Variants in GRSF1 observed in about 807,000 individuals in gnomAD.
GRSF1 encodes G-rich RNA sequence binding factor 1, also known as G-rich sequence factor 1.
A neutral mutation model predicts 51.1 loss-of-function variants in GRSF1; 50 were observed. The ratio of observed to expected loss-of-function variants is 0.98; its 90% confidence interval spans 0.78 to 1.24. The LOEUF (loss-of-function observed/expected upper bound fraction) is 1.24. GRSF1 is among the 50% of genes most tolerant of loss of function. The pLI, the probability that GRSF1 is intolerant of heterozygous loss-of-function variation, is 0.00. For synonymous variants in GRSF1, 293 were observed against 253.3 expected, an observed-to-expected ratio of 1.16 and a Z score of -1.49; for missense variants, 700 against 639.7, an observed-to-expected ratio of 1.09 and a Z score of -1.02.
chr4:70,838,321 T>A (rs1256497111), intron 1 of GRSF1, among the ~76,000 whole-genome samples: 2 of 151,618 alleles, frequency 1.3e-5, no homozygotes. Context: ...CGCAGTCAAT[T>A]TCATAGAAAA....
intron 1 of GRSF1, chr4:70,839,064 G>T: frequency 8.5e-7 from 1 of 1,169,988 alleles, no homozygotes; most frequent in South Asian, 1.3e-5. Flanking sequence ...TAGCGCTCGG[G>T]CTGCACGGAA....
In GRSF1 at chr4:70,824,005, C is replaced by CT. The variant is rs1224926628; in HGVS notation, c.*25+288dup. Among the ~76,000 whole-genome samples the CT allele has an allele frequency of 3.5e-5, 4 of 115,080 alleles. No individual in the cohort carries two copies. The Admixed American group carries it at 4.7e-4, about 14-fold the overall frequency. 75.5% of individuals were successfully genotyped at this position (115,080 alleles called of 152,430 possible). A position where few individuals can be genotyped will look rare whatever the true frequency, so the allele number is the denominator to read the frequency against. ...TTTTTTTTTTTTTTTGAGTCTCGCTCTGTTGCCCAGGCTGGAGTGCAGTGG... is the reference window on the plus strand; with the variant it reads ...TTTTTTTTTTTTTTTGAGTCTCGCTCTTGTTGCCCAGGCTGGAGTGCAGTGG... On this transcript the variant is annotated intron_variant, in intron 9 of 9. Transcript: ENST00000254799.
chr4:70,836,189 G>T lies in GRSF1; in HGVS notation c.483C>A (p.Cys161Ter). 1 of 1,590,256 alleles carries T rather than the reference G, an allele frequency of 6.3e-7. No homozygotes were observed. Residue 161 changes from cysteine to a stop codon, truncating the protein, a stop_gained, in exon 2 of 10, where the codon TGC becomes TGA. Transcript: ENST00000254799. LOFTEE classifies it high-confidence loss of function. ...LIRAQGLPWS[C>*]TMEDVLNFFS... is the part of the protein sequence containing the mutation. ...AAAAGTTAAGCACATCTTCCATAGTGCATGACCAGGGCAGTCCTTGAGCTC... is the reference window on the plus strand; with the variant it reads ...AAAAGTTAAGCACATCTTCCATAGTTCATGACCAGGGCAGTCCTTGAGCTC...
intron 1 of GRSF1, among the ~76,000 whole-genome samples, chr4:70,837,593 C>T (rs1444113831): frequency 3.3e-5 from 5 of 149,504 alleles, no homozygotes; most frequent in African/African-American, 1.2e-4. Context: ...GACTTGCACT[C>T]TACCGGACTA....
intron 9 of GRSF1, among the ~76,000 whole-genome samples, chr4:70,821,943 T>G (rs909835724): frequency 6.6e-6 from 1 of 152,150 alleles, no homozygotes; most frequent in Non-Finnish European, 1.5e-5. Flanking sequence ...CCTGAAGTAA[T>G]GGGATTACTG....
At position 70,839,860 on chromosome 4, in the gene GRSF1, G is replaced by A. The variant is rs939230185; in HGVS notation, c.-33C>T. The A allele has an allele frequency of 4.1e-6, 6 of 1,453,066 alleles. No individual in the cohort carries two copies. Among genetic ancestry groups the A allele is most frequent in the African/African-American group, 1.5e-5 (1 of 67,332 alleles). The allele number at this position is 1,453,066 out of a possible 1,614,324, so 90.0% of individuals were successfully genotyped here. Reference sequence around the variant, plus strand: ...GGAGGCGGCGCAGGGCCTGAAGGCAGCTGCTCCAGCAGCGATGGTGGAACG... The same window carrying A: ...GGAGGCGGCGCAGGGCCTGAAGGCAACTGCTCCAGCAGCGATGGTGGAACG... On this transcript the variant is annotated 5_prime_UTR_variant, in exon 1 of 10. Transcript: ENST00000254799.
intron 5 of GRSF1, among the ~76,000 whole-genome samples, chr4:70,829,779 T>C (rs1440407863): frequency 6.6e-6 from 1 of 152,164 alleles, no homozygotes; most frequent in African/African-American, 2.4e-5. Context: ...CACTTCAGCC[T>C]GGGTGACAGA....
intron 9 of GRSF1, among the ~76,000 whole-genome samples, chr4:70,821,520 C>T (rs888323015): frequency 2.0e-5 from 3 of 151,378 alleles, no homozygotes; most frequent in Non-Finnish European, 2.9e-5. Flanking sequence ...GCAGGAGAAT[C>T]GCTTGAACCC....
At chr4:70,827,555 C>G (rs1193362639) in intron 6 of GRSF1, among the ~76,000 whole-genome samples, 1 of 152,044 alleles carries the variant, frequency 6.6e-6, no homozygotes, top group Non-Finnish European at 1.5e-5. Flanking sequence ...GAGGCTGCGG[C>G]TCACTTGAGG....
chr4:70,835,914 T>C (rs781708155), intron 2 of GRSF1, among the ~76,000 whole-genome samples: 3 of 152,166 alleles, frequency 2.0e-5, no homozygotes, highest in Non-Finnish European at 2.9e-5. Flanking sequence ...CCACTGCCCC[T>C]GGCCCAAAGT....
intron 9 of GRSF1, among the ~76,000 whole-genome samples, chr4:70,823,971 TC>T (rs1164710288): frequency 1.1e-4 from 5 of 43,624 alleles, no homozygotes; most frequent in African/African-American, 1.4e-4. Flanking sequence ...CAGTTGTATC[TC>T]TCTCTTTTTT....
chr4:70,822,481 G>A (rs990314189), intron 9 of GRSF1, among the ~76,000 whole-genome samples: 1 of 151,734 alleles, frequency 6.6e-6, no homozygotes, highest in Non-Finnish European at 1.5e-5. Context: ...TACTTGGGAG[G>A]CTGAGGCAGA....
At chr4:70,828,477 G>A (rs1465062886) in intron 5 of GRSF1, among the ~76,000 whole-genome samples, 1 of 152,128 alleles carries the variant, frequency 6.6e-6, no homozygotes, top group Non-Finnish European at 1.5e-5. Flanking sequence ...AACTTCCCCA[G>A]AACTTCACTA....
At position 70,816,896 on chromosome 4, in the gene GRSF1, G is replaced by GT; in HGVS notation, c.*3990dup. On this transcript the variant is annotated 3_prime_UTR_variant, in exon 10 of 10. Coordinates refer to ENST00000254799, the MANE Select transcript of GRSF1 (RefSeq NM_002092.4). ...GCTGCTTGTACAATCTAAGGGATGG[G>GT]TATTGGCATCACCAAGATTTTATAT... is the stretch of plus-strand genomic sequence containing the variant. The GT allele has an allele frequency of 6.6e-6, 1 of 152,310 alleles. No homozygotes were observed. The highest frequency in any genetic ancestry group is 6.5e-5 in the Admixed American group (1 of 15,286). The allele number at this position is 152,310 out of a possible 1,614,324, so 9.4% of individuals were successfully genotyped here.
intron 2 of GRSF1, 63 bp from the exon 3 acceptor site, chr4:70,833,336 G>T: frequency 7.1e-7 from 1 of 1,412,806 alleles, no homozygotes; most frequent in Non-Finnish European, 9.9e-7. Context: ...AATTATGTAA[G>T]TCACAAGAAT....
Position 70,833,257 on chromosome 4 carries a change from G to A in GRSF1, c.531C>T (p.Asn177=), listed in dbSNP as rs1448742646. The part of the protein sequence containing the change: ...LNFFSDCRIR[N]GENGIHFLLN... ...GGAGAAAATGTATTCCATTCTCACC[G>A]TTGCGGATTCTGCAGTCTAAAAGTG... Residue 177 remains asparagine (N), a synonymous_variant, in exon 3 of 10, where the codon AAC becomes AAT. Transcript: ENST00000254799. The A allele has an allele frequency of 3.7e-6, 6 of 1,613,566 alleles. No individual in the cohort carries two copies. The highest frequency in any genetic ancestry group is 3.3e-5 in the South Asian group (3 of 90,982).
chr4:70,823,029 G>A (rs549813342), intron 9 of GRSF1, among the ~76,000 whole-genome samples: 127 of 152,176 alleles, frequency 8.3e-4, no homozygotes, highest in Non-Finnish European at 1.1e-3. Context: ...CCCAGGAGGC[G>A]GAGTTTGCAG....
At chr4:70,830,410 A>C (rs956903344) in intron 5 of GRSF1, among the ~76,000 whole-genome samples, 1 of 151,020 alleles carries the variant, frequency 6.6e-6, no homozygotes, top group Non-Finnish European at 1.5e-5. Context: ...ATGCCACTGC[A>C]CTCCAGCCTG....
upstream of GRSF1, chr4:70,839,978 G>A: frequency 1.6e-6 from 1 of 635,110 alleles, no homozygotes; most frequent in Non-Finnish European, 2.5e-6. Flanking sequence ...GGAAGGAGGT[G>A]GAGGAGAGCG....
Sources: allele counts gnomAD v4.1 joint callset (sites outside exome capture counted in the v4.1 genomes callset), GRCh38; gene constraint gnomAD v4.1.1; transcripts MANE v1.5; gene names NCBI Gene and HGNC (gene_info 2026-07-23, HGNC 2026-07-21).